Variants in TCP1 observed in about 807,000 individuals in gnomAD.
TCP1 encodes t-complex 1.
TCP1 carries 6 observed loss-of-function variants against 54.7 expected under a neutral mutation model. That is an observed-to-expected ratio of 0.11 (90% CI 0.06 to 0.22). The LOEUF is 0.22. Among genes scored for constraint, TCP1 ranks in the 10% least tolerant of loss-of-function variants. The pLI, the probability that TCP1 is intolerant of heterozygous loss-of-function variation, is 1.00. For synonymous variants in TCP1, 225 were observed against 229.7 expected (o/e 0.98, Z 0.19); for missense variants, 511 against 678.2 (o/e 0.75, Z 2.74).
rs367910467 is a variant in TCP1 at position 159,785,554 on chromosome 6, A to G, written c.378-58T>C. The G allele has an allele frequency of 4.2e-5, 56 of 1,320,740 alleles. 1 individual carries two copies. In the African/African-American group the frequency reaches 6.2e-4, roughly 15 times the overall value. The allele number at this position is 1,320,740 out of a possible 1,614,324, so 81.8% of individuals were successfully genotyped here. A position where few individuals can be genotyped will look rare whatever the true frequency, so the allele number is the denominator to read the frequency against. ...TAAAGTCACTACTCAAACTCTTTGC[A>G]TTCATCATGCTTAACACAGAGCCAA... is the stretch of plus-strand genomic sequence containing the variant. On this transcript the variant is annotated intron_variant, in intron 4 of 11. Coordinates refer to ENST00000321394, the MANE Select transcript of TCP1 (RefSeq NM_030752.3).
At position 159,785,955 on chromosome 6, in the gene TCP1, C is replaced by T; in HGVS notation, c.322G>A (p.Val108Ile). 2.5e-6 allele frequency: 4 copies of T among 1,614,022 alleles called. No individual in the cohort carries two copies. The highest frequency in any genetic ancestry group is 3.4e-6 in the Non-Finnish European group (4 of 1,179,992). ...GATGTGGGATGAATTTTCTGTTTGA[C>T]TAATTCATCTGCATTTTTTAGGAGT... ...AELLKNADEL[V>I]KQKIHPTSVI... Residue 108 changes from valine (V) to isoleucine (I), a missense_variant, in exon 4 of 12, where the codon GTC becomes ATC. Val to Ile is a conservative substitution (Grantham distance 29). This residue lies in a region of TCP1 where 54 missense variants were observed against 111.8 expected (regional missense o/e 0.48). Coordinates refer to ENST00000321394, the MANE Select transcript of TCP1 (RefSeq NM_030752.3).
intron 11 of TCP1, 42 bp downstream of exon 11, chr6:159,779,585 C>G: frequency 6.4e-7 from 1 of 1,551,822 alleles, no homozygotes; most frequent in South Asian, 1.2e-5. Context: ...TTAATGCAAC[C>G]TGTTCTGCAG....
chr6:159,789,584 C>T lies in TCP1; in HGVS notation c.-116G>A. ...TGCGACGGCGTGGAGCGTACCCGAGCGATGTCCCAGGAGCTACTGGGTAAC... is the reference window on the plus strand; with the variant it reads ...TGCGACGGCGTGGAGCGTACCCGAGTGATGTCCCAGGAGCTACTGGGTAAC... On this transcript the variant is annotated 5_prime_UTR_variant, in exon 1 of 12. Transcript: ENST00000321394. 7.6e-7 allele frequency: 1 copy of T among 1,313,236 alleles called. No individual in the cohort carries two copies. Among genetic ancestry groups the T allele is most frequent in the Non-Finnish European group, 1.1e-6 (1 of 930,986 alleles). The allele number at this position is 1,313,236 out of a possible 1,614,324, so 81.3% of individuals were successfully genotyped here. A position where few individuals can be genotyped will look rare whatever the true frequency, so the allele number is the denominator to read the frequency against.
At chr6:159,781,210 T>G (rs560999717) in intron 7 of TCP1, 100 bp from the exon 8 acceptor site, 1 of 1,073,418 alleles carries the variant, frequency 9.3e-7, no homozygotes, top group South Asian at 1.9e-5. Flanking sequence ...GATCAAATTG[T>G]ATTATCCTTT....
At chr6:159,788,996 A>T (rs1780775629) in intron 1 of TCP1, 1 of 174,176 alleles carries the variant, frequency 5.7e-6, no homozygotes, top group African/African-American at 2.4e-5. Flanking sequence ...GCGCGGATGG[A>T]CCTACTCTTT....
At chr6:159,787,091 AAG>A (rs1491224992) in intron 3 of TCP1, among the ~76,000 whole-genome samples, 42 of 151,496 alleles carry the variant, frequency 2.8e-4, no homozygotes, top group African/African-American at 9.2e-4. Flanking sequence ...AAAAAAAAAA[AAG>A]AGGTTTTTAA....
Position 159,780,998 on chromosome 6 carries a change from C to T in TCP1, c.910G>A (p.Gly304Ser). The T allele has an allele frequency of 6.2e-7, 1 of 1,613,544 alleles. No individual in the cohort carries two copies. The highest frequency in any genetic ancestry group is 8.5e-7 in the Non-Finnish European group (1 of 1,179,774). The change falls in exon 8 of 12, where the codon GGT (glycine) becomes AGT (serine). Residue 304 changes from glycine (G) to serine (S), a missense_variant. This residue lies in a region of TCP1 where 305 missense variants were observed against 352.8 expected (regional missense o/e 0.86). Transcript: ENST00000321394. The stretch of plus-strand genomic sequence containing the variant: ...AAAACTCTTCTAACTGCCATAGCAC[C>T]AGCCTCCACAAAATACTTCAGACAC... ...DMCLKYFVEA[G>S]AMAVRRVLKR...
At position 159,778,632 on chromosome 6, in the gene TCP1, C is replaced by T. The variant is rs1339478251; in HGVS notation, c.*413G>A. ...TAAACTGTGTCCACAGAAGAATAAA[C>T]AATCTAAATCTTTTCTCCCCCGTTA... is the stretch of plus-strand genomic sequence containing the variant. On this transcript the variant is annotated 3_prime_UTR_variant, in exon 12 of 12. Coordinates refer to ENST00000321394, the MANE Select transcript of TCP1 (RefSeq NM_030752.3). 2.5e-6 allele frequency: 4 copies of T among 1,607,562 alleles called. No homozygotes were observed. The South Asian group carries it at 3.3e-5, about 13-fold the overall frequency.
At chr6:159,784,151 C>A in intron 6 of TCP1, 84 bp from the exon 7 acceptor site, 1 of 1,469,070 alleles carries the variant, frequency 6.8e-7, no homozygotes, top group South Asian at 1.4e-5. Flanking sequence ...TATGTAAACA[C>A]ACAAATTTAG....
chr6:159,784,924 A>C, intron 5 of TCP1, 77 bp from the exon 6 acceptor site: 12 of 1,414,608 alleles, frequency 8.5e-6, no homozygotes, highest in East Asian at 2.3e-5. Flanking sequence ...GGGTAATTTC[A>C]AGGGACTTCC....
intron 6 of TCP1, 69 bp downstream of exon 6, chr6:159,784,597 C>T (rs913659395): frequency 6.5e-7 from 1 of 1,540,754 alleles, no homozygotes; most frequent in African/African-American, 1.4e-5. Flanking sequence ...AGCCACCGCG[C>T]CCAGCCAAAA....
intron 11 of TCP1, 29 bp from the exon 12 acceptor site, chr6:159,779,290 CCG>C (rs1562481596): frequency 6.3e-7 from 1 of 1,591,508 alleles, no homozygotes; most frequent in Non-Finnish European, 8.6e-7. Flanking sequence ...TATTTAACGG[CCG>C]CTTACAATTT....
At chr6:159,780,637 C>G (rs2114990767) in intron 8 of TCP1, 71 bp from the exon 9 acceptor site, 2 of 1,554,364 alleles carry the variant, frequency 1.3e-6, no homozygotes, top group Non-Finnish European at 1.7e-6. Flanking sequence ...GACTCAGTAG[C>G]ATTTGTGGTA....
chr6:159,781,018 A>G lies in TCP1; in HGVS notation c.890T>C (p.Leu297Pro). 1.9e-6 allele frequency: 3 copies of G among 1,613,812 alleles called. No homozygotes were observed. Among genetic ancestry groups the G allele is most frequent in the Non-Finnish European group, 2.5e-6 (3 of 1,179,856 alleles). Residue 297 changes from leucine to proline, a missense_variant, in exon 8 of 12, where the codon CTG becomes CCG. Physicochemically the swap from Leu to Pro is moderately conservative, Grantham distance 98 (BLOSUM62 -3). Transcript: ENST00000321394. ...LTTGGIDDMC[L>P]KYFVEAGAMA... ...AGCACCAGCCTCCACAAAATACTTC[A>G]GACACATATCATCAATTCCACCAGT...
intron 1 of TCP1, chr6:159,789,186 A>C: frequency 1.8e-6 from 1 of 554,504 alleles, no homozygotes; most frequent in East Asian, 3.1e-5. Flanking sequence ...TGCCGGTCTC[A>C]AAACCCTGCC....
chr6:159,785,968 A>G lies in TCP1; in HGVS notation c.309T>C (p.Asn103=), dbSNP rs1234686951. 4.3e-6 allele frequency: 7 copies of G among 1,613,818 alleles called. No individual in the cohort carries two copies. The Admixed American group carries it at 1.2e-4, about 27-fold the overall frequency. ...VVIIAAELLK[N]ADELVKQKIH... The stretch of plus-strand genomic sequence containing the variant: ...TTTTCTGTTTGACTAATTCATCTGC[A>G]TTTTTTAGGAGTTCTGCTGCAATAA... The change falls in exon 4 of 12, where the codon AAT becomes AAC. Residue 103 remains asparagine (N), a synonymous_variant. Transcript: ENST00000321394.
chr6:159,779,241 T>C lies in TCP1; in HGVS notation c.1475A>G (p.Asn492Ser), dbSNP rs149454371. 6.8e-6 allele frequency: 11 copies of C among 1,613,814 alleles called. No homozygotes were observed. The African/African-American group carries it at 1.1e-4, about 16-fold the overall frequency. Reference sequence around the variant, plus strand: ...TTGTTTGTTGTCTCGAGGTTTACCATTGCTCAAATCAAGACCAATCCTGCA... The same window carrying C: ...TTGTTTGTTGTCTCGAGGTTTACCACTGCTCAAATCAAGACCAATCCTGCA... ...NLKWIGLDLSNGKPRDNKQAG... is the reference protein window; with the variant it reads ...NLKWIGLDLSSGKPRDNKQAG... The change falls in exon 12 of 12, where the codon AAT becomes AGT. Residue 492 changes from asparagine (N) to serine (S), a missense_variant. Asn to Ser is a conservative substitution (Grantham distance 46, BLOSUM62 1). Coordinates refer to ENST00000321394, the MANE Select transcript of TCP1 (RefSeq NM_030752.3).
chr6:159,781,221 G>T, intron 7 of TCP1, 111 bp from the exon 8 acceptor site: 1 of 975,662 alleles, frequency 1.0e-6, no homozygotes, highest in South Asian at 2.2e-5. Flanking sequence ...ATTATCCTTT[G>T]TTATCTCTGA....
chr6:159,785,539 A>G (rs1455032364), intron 4 of TCP1, 43 bp from the exon 5 acceptor site: 2 of 1,437,572 alleles, frequency 1.4e-6, no homozygotes, highest in Non-Finnish European at 2.0e-6. Flanking sequence ...TAAAGTCACT[A>G]CTCAAACTCT....
Sources: gnomAD v4.1 joint callset for allele counts (sites outside exome capture counted in the v4.1 genomes callset) on GRCh38, gnomAD v4.1.1 for gene constraint, gnomAD v4.1.1 regional missense constraint, MANE v1.5 for transcripts, NCBI Gene and HGNC (gene_info 2026-07-23, HGNC 2026-07-21) for gene names.